ANO7: variants seen among roughly 807,000 people sequenced by gnomAD.
The protein encoded by ANO7 is anoctamin-7.
A neutral mutation model predicts 115.8 loss-of-function variants in ANO7; 114 were observed. The ratio of observed to expected loss-of-function variants is 0.98; its 90% CI spans 0.85 to 1.15. The LOEUF (loss-of-function observed/expected upper bound fraction) is 1.15. Among genes scored for constraint, ANO7 ranks in the 50% most tolerant of loss-of-function variants. The pLI, the probability that ANO7 is intolerant of heterozygous loss-of-function variation, is 0.00. For missense variants in ANO7, 1,302 were observed against 1,201.2 expected, an observed-to-expected ratio of 1.08 and a Z score of -1.24; for synonymous variants, 550 against 498.2, an observed-to-expected ratio of 1.10 and a Z score of -1.38.
chr2:241,214,961 G>T, intron 18 of ANO7, 59 bp downstream of exon 18: 1 of 1,483,732 alleles, frequency 6.7e-7, no homozygotes, highest in Non-Finnish European at 9.2e-7. Flanking sequence ...CAGAGCACCT[G>T]GCAGTAGCAG....
chr2:241,231,291 C>T, the ANO7 span: 34 of 171,908 alleles, frequency 2.0e-4, no homozygotes, highest in Non-Finnish European at 1.7e-4. Context: ...GGCTGAGGCA[C>T]GAGAATTGCT....
At chr2:241,236,870 T>G in the ANO7 span, 455 of 1,289,732 alleles carry the variant, frequency 3.5e-4, no homozygotes, top group Non-Finnish European at 4.7e-4. Context: ...GGGTGCTGGG[T>G]GGTAAAAGGG....
chr2:241,198,241 G>C (rs1288538980), intron 4 of ANO7, among the ~76,000 whole-genome samples: 1 of 152,072 alleles, frequency 6.6e-6, no homozygotes, highest in South Asian at 2.1e-4. Context: ...CCCCACCCCA[G>C]GGTGCCCCTC....
At chr2:241,240,277 C>T in the ANO7 span, 2 of 695,602 alleles carry the variant, frequency 2.9e-6, no homozygotes, top group Non-Finnish European at 5.2e-6. The surrounding 1 kb of genome is among the most constrained non-coding windows in gnomAD (Gnocchi z 5.5). Flanking sequence ...GGGGCTAGCA[C>T]ACCTCACTGA....
At chr2:241,217,971 G>GT (rs2068883518) in intron 20 of ANO7, 80 bp downstream of exon 20, 1 of 94,606 alleles carries the variant, frequency 1.1e-5, no homozygotes, top group African/African-American at 7.7e-5. Context: ...GCGCGCAGGG[G>GT]CGGGCCGGGG....
chr2:241,210,346 A>C lies in ANO7; in HGVS notation c.1411A>C (p.Met471Leu). 6.2e-7 allele frequency: 1 copy of C among 1,614,020 alleles called. No homozygotes were observed. Among genetic ancestry groups the C allele is most frequent in the Non-Finnish European group, 8.5e-7 (1 of 1,179,980 alleles). The part of the protein sequence containing the change: ...LVSIILYRAI[M>L]AIVVSRSGNT... ...GTCTATCATCCTGTACCGTGCCATC[A>C]TGGCCATCGTGGTGTCCAGGTCGGG... The change falls in exon 14 of 25, where the codon ATG (methionine) becomes CTG (leucine). Residue 471 changes from methionine to leucine, a missense_variant. Transcript: ENST00000674324.
intron 20 of ANO7, 29 bp downstream of exon 20, chr2:241,217,920 G>GGCGGGGGGGCA (rs2068877612): frequency 8.1e-7 from 1 of 1,232,272 alleles, no homozygotes; most frequent in African/African-American, 2.0e-5. Context: ...CGCGGGGCGG[G>GGCGGGGGGGCA]GCGGGGGCGC....
intron 23 of ANO7, 21 bp from the exon 24 acceptor site, chr2:241,223,884 G>C (rs773449614): frequency 2.5e-6 from 4 of 1,613,418 alleles, no homozygotes; most frequent in Admixed American, 1.7e-5. Flanking sequence ...TCTTCCTCTT[G>C]CTGCCCTTTT....
In ANO7 at chr2:241,202,235, G is replaced by T. The variant is rs1266456088; in HGVS notation, c.654G>T (p.Lys218Asn). The T allele has an allele frequency of 1.9e-6, 3 of 1,613,806 alleles. No individual in the cohort carries two copies. Among genetic ancestry groups the T allele is most frequent in the Non-Finnish European group, 2.5e-6 (3 of 1,179,990 alleles). The part of the protein sequence containing the change: ...ILAKTPYGHE[K>N]KNLLGIHQLL... ...CCAAGACCCCGTATGGCCACGAGAA[G>T]AAAAACCTGCTTGGGATCCACCAGC... Residue 218 changes from lysine to asparagine, a missense_variant, in exon 8 of 25, where the codon AAG (lysine) becomes AAT (asparagine). Transcript: ENST00000674324.
intron 11 of ANO7, among the ~76,000 whole-genome samples, 167 bp from the exon 12 acceptor site, chr2:241,209,118 C>T (rs1267591696): frequency 1.3e-5 from 2 of 152,208 alleles, no homozygotes; most frequent in Non-Finnish European, 2.9e-5. Flanking sequence ...CACTGCACTC[C>T]AGCCTGGGTG....
chr2:241,228,920 A>G (rs1042208899), downstream of ANO7: 1 of 152,684 alleles, frequency 6.5e-6, no homozygotes, highest in African/African-American at 2.4e-5. Context: ...CACTCACCAG[A>G]CCTCAGGCTG....
At chr2:241,200,068 G>A in intron 5 of ANO7, 21 bp from the exon 6 acceptor site, 1 of 1,608,592 alleles carries the variant, frequency 6.2e-7, no homozygotes, top group Non-Finnish European at 8.5e-7. Flanking sequence ...AGTGGGAGGA[G>A]CCACTGACGT....
chr2:241,229,785 C>CTCA, downstream of ANO7: 1 of 505,756 alleles, frequency 2.0e-6, no homozygotes, highest in Non-Finnish European at 3.9e-6. Context: ...AGCCCGCCTG[C>CTCA]CCGCCCACCC....
chr2:241,236,842 G>T, the ANO7 span: 1 of 1,502,574 alleles, frequency 6.7e-7, no homozygotes, highest in Non-Finnish European at 9.1e-7. Flanking sequence ...GAATGCATAT[G>T]TCTGTGAGGC....
downstream of ANO7, among the ~76,000 whole-genome samples, chr2:241,226,909 A>AC (rs1461389661): frequency 2.6e-5 from 4 of 150,976 alleles, no homozygotes; most frequent in Admixed American, 2.6e-4. Context: ...CTCCGCCCGC[A>AC]CCCCCCACCA....
chr2:241,197,391 C>T (rs1225268591), intron 4 of ANO7, among the ~76,000 whole-genome samples: 7 of 152,118 alleles, frequency 4.6e-5, no homozygotes, highest in Admixed American at 3.3e-4. Context: ...TGAGCCACCG[C>T]GCCAGGCCTA....
In ANO7 at chr2:241,225,906, T is replaced by A. The variant is rs545492173; in HGVS notation, c.*1753T>A. Reference sequence around the variant, plus strand: ...CCACGTGTGCTTTCGCTCAGCACAATGCTTACTACAAACCCACGTGTACTT... The same window carrying A: ...CCACGTGTGCTTTCGCTCAGCACAAAGCTTACTACAAACCCACGTGTACTT... On this transcript the variant is annotated 3_prime_UTR_variant, in exon 25 of 25. Coordinates refer to ENST00000674324, the MANE Select transcript of ANO7 (RefSeq NM_001370694.2). 5.9e-5 allele frequency among the ~76,000 whole-genome samples: 9 copies of A among 152,326 alleles called. No individual in the cohort carries two copies. The highest frequency in any genetic ancestry group is 2.2e-4 in the African/African-American group (9 of 41,580).
chr2:241,215,044 T>C (rs2149243343), intron 18 of ANO7, 142 bp downstream of exon 18: 1 of 778,004 alleles, frequency 1.3e-6, no homozygotes, highest in African/African-American at 1.7e-5. Context: ...AGGGGGAGTG[T>C]GCCCGGCCGT....
chr2:241,202,841 G>A (rs2068503987), intron 8 of ANO7, among the ~76,000 whole-genome samples: 1 of 152,210 alleles, frequency 6.6e-6, no homozygotes, highest in Admixed American at 6.5e-5. Flanking sequence ...TCTGGGGCCT[G>A]GTCAGGCCTG....
Sources: gnomAD v4.1 joint callset for allele counts (sites outside exome capture counted in the v4.1 genomes callset) on GRCh38, gnomAD v4.1.1 for gene constraint, Gnocchi (gnomAD v3.1) non-coding constraint, MANE v1.5 for transcripts, NCBI Gene and HGNC (gene_info 2026-07-23, HGNC 2026-07-21) for gene names.